USP54: variants seen among roughly 807,000 people sequenced by gnomAD.
The protein encoded by USP54 is ubiquitin carboxyl-terminal hydrolase 54.
A neutral mutation model predicts 170.5 loss-of-function variants in USP54; 87 were observed. The observed-to-expected ratio is 0.51, with a 90% CI of 0.43 to 0.61. The LOEUF (loss-of-function observed/expected upper bound fraction) is 0.61, where lower values mean the gene tolerates loss of function less well. Ranked by LOEUF, USP54 falls within the 20% of genes least tolerant of loss-of-function variation. The pLI is 0.00. For synonymous variants in USP54, 655 were observed against 742.8 expected (o/e 0.88, Z 1.92); for missense variants, 1,786 against 2,047.8 (o/e 0.87, Z 2.47).
chr10:73,599,422 A>G (rs2078998002), intron 1 of USP54, among the ~76,000 whole-genome samples: 1 of 152,230 alleles, frequency 6.6e-6, no homozygotes, highest in Admixed American at 6.5e-5. Context: ...TATCATGTTT[A>G]GTCCTTTATA....
chr10:73,607,519 G>A (rs1172357775), intron 1 of USP54, among the ~76,000 whole-genome samples: 3 of 151,884 alleles, frequency 2.0e-5, no homozygotes, highest in Non-Finnish European at 4.4e-5. Flanking sequence ...GTGGAAATAC[G>A]AAAACTTTAA....
At chr10:73,526,287 G>T (rs555204246) in intron 16 of USP54, among the ~76,000 whole-genome samples, 2 of 151,870 alleles carry the variant, frequency 1.3e-5, no homozygotes, top group Non-Finnish European at 2.9e-5. Flanking sequence ...TCACTCTGTC[G>T]CCCAGGCTGG....
chr10:73,599,689 C>T (rs1015907654), intron 1 of USP54, among the ~76,000 whole-genome samples: 3 of 152,104 alleles, frequency 2.0e-5, no homozygotes, highest in African/African-American at 7.2e-5. Context: ...TTGCTATATA[C>T]TTTCCAGTTT....
At chr10:73,550,490 T>G (rs539688447) in intron 4 of USP54, among the ~76,000 whole-genome samples, 10 of 152,330 alleles carry the variant, frequency 6.6e-5, no homozygotes, top group Middle Eastern at 3.4e-3. Flanking sequence ...TCTATAGCAA[T>G]TATTACTATC....
At chr10:73,544,645 G>A (rs966479972) in intron 5 of USP54, among the ~76,000 whole-genome samples, 1 of 152,026 alleles carries the variant, frequency 6.6e-6, no homozygotes, top group African/African-American at 2.4e-5. Context: ...AGTTCCTCAG[G>A]AGCACCTCTG....
Position 73,498,732 on chromosome 10 carries a change from G to A in USP54, c.4952C>T (p.Ser1651Phe), listed in dbSNP as rs779247821. The part of the protein sequence containing the change: ...DWRQSSYASH[S>F]GHRRTVGEGF... Reference sequence around the variant, plus strand: ...CTCTCCCACTGTTCTCCTGTGTCCAGAGTGGGAGGCATAACTGCTTTGCCT... The same window carrying A: ...CTCTCCCACTGTTCTCCTGTGTCCAAAGTGGGAGGCATAACTGCTTTGCCT... Residue 1651 changes from serine (S) to phenylalanine (F), a missense_variant, in exon 24 of 24, where the codon TCT (serine) becomes TTT (phenylalanine). This residue lies in a region of USP54 where 1,418 missense variants were observed against 1,569.0 expected (regional missense o/e 0.90). Coordinates refer to ENST00000687698, the MANE Select transcript of USP54 (RefSeq NM_001391956.1). The A allele has an allele frequency of 2.5e-6, 4 of 1,613,676 alleles. No individual in the cohort carries two copies. In the African/African-American group the frequency reaches 5.3e-5, roughly 22 times the overall value.
At chr10:73,564,411 C>A (rs2073817898) in intron 4 of USP54, among the ~76,000 whole-genome samples, 1 of 152,090 alleles carries the variant, frequency 6.6e-6, no homozygotes, top group Admixed American at 6.6e-5. Context: ...TTGAAAAATC[C>A]ATTTTCTCCT....
At chr10:73,545,514 A>G (rs1257840857) in intron 5 of USP54, 24 bp downstream of exon 5, 1 of 1,613,056 alleles carries the variant, frequency 6.2e-7, no homozygotes, top group Admixed American at 1.7e-5. Context: ...CCCATATCAA[A>G]GAGGGCCAGA....
At chr10:73,559,949 G>A (rs2072420061) in intron 4 of USP54, among the ~76,000 whole-genome samples, 1 of 151,462 alleles carries the variant, frequency 6.6e-6, no homozygotes, top group Admixed American at 6.6e-5. Flanking sequence ...GGAGACAGAG[G>A]CAGGAGAATC....
chr10:73,608,044 G>A (rs2079823464), intron 1 of USP54, among the ~76,000 whole-genome samples: 1 of 151,984 alleles, frequency 6.6e-6, no homozygotes, highest in Non-Finnish European at 1.5e-5. Context: ...GGTGGATCAC[G>A]AAGTCAGGAG....
At chr10:73,553,905 C>T (rs1207107511) in intron 4 of USP54, among the ~76,000 whole-genome samples, 2 of 152,150 alleles carry the variant, frequency 1.3e-5, no homozygotes, top group East Asian at 3.9e-4. Context: ...AGGTGCTTCC[C>T]CACCCATCTC....
chr10:73,569,282 G>A (rs973477593), intron 4 of USP54, among the ~76,000 whole-genome samples: 2 of 151,868 alleles, frequency 1.3e-5, no homozygotes, highest in African/African-American at 2.4e-5. Context: ...ACTTACCATG[G>A]GACTACTGTA....
At chr10:73,534,509 G>A in intron 12 of USP54, 91 bp downstream of exon 12, 1 of 1,463,158 alleles carries the variant, frequency 6.8e-7, no homozygotes, top group South Asian at 1.3e-5. Flanking sequence ...ACAGGTGTGA[G>A]CCACTGCGCC....
intron 1 of USP54, among the ~76,000 whole-genome samples, chr10:73,578,822 T>C (rs2076471901): frequency 6.6e-6 from 1 of 152,162 alleles, no homozygotes; most frequent in African/African-American, 2.4e-5. Flanking sequence ...CATTGAGTCA[T>C]ACCTTACATC....
intron 1 of USP54, among the ~76,000 whole-genome samples, chr10:73,580,210 A>G (rs1425077940): frequency 6.7e-6 from 1 of 150,072 alleles, no homozygotes; most frequent in Non-Finnish European, 1.5e-5. Context: ...CCCAGCTCCT[A>G]GGGGGCATTG....
upstream of USP54, among the ~76,000 whole-genome samples, chr10:73,596,139 A>G (rs140217218): frequency 6.1e-3 from 900 of 148,160 alleles, 9 homozygotes; most frequent in African/African-American, 0.021. Flanking sequence ...CAAAAAAAAC[A>G]GGCCGGGTGC....
intron 11 of USP54, among the ~76,000 whole-genome samples, chr10:73,535,209 C>T (rs888042699): frequency 1.3e-5 from 2 of 152,156 alleles, no homozygotes; most frequent in African/African-American, 4.8e-5. Flanking sequence ...ATACCAGATG[C>T]ATTTTTAATG....
intron 4 of USP54, among the ~76,000 whole-genome samples, chr10:73,568,431 C>T (rs140377966): frequency 3.3e-5 from 5 of 152,266 alleles, no homozygotes; most frequent in African/African-American, 1.2e-4. Flanking sequence ...AGCTCATCCA[C>T]ACTTCCAAAT....
chr10:73,506,703 A>G (rs1298585549), intron 20 of USP54: 1 of 152,314 alleles, frequency 6.6e-6, no homozygotes, highest in African/African-American at 2.4e-5. Context: ...GAGCTGAATC[A>G]GAAGGTTTGT....
Sources: allele counts gnomAD v4.1 joint callset (sites outside exome capture counted in the v4.1 genomes callset), GRCh38; gene constraint gnomAD v4.1.1; regional missense constraint gnomAD v4.1.1; transcripts MANE v1.5; gene names NCBI Gene and HGNC (gene_info 2026-07-23, HGNC 2026-07-21).